The following PPEF1 variants were observed in gnomAD, a reference collection of about 807,000 sequenced individuals.
The protein encoded by PPEF1 is protein phosphatase with EF-hand domain 1, also known as serine/threonine-protein phosphatase with EF-hands 1.
A neutral mutation model predicts 53.3 loss-of-function variants in PPEF1; 12 were observed. The ratio of observed to expected loss-of-function variants is 0.23; its 90% CI spans 0.14 to 0.36. The LOEUF (loss-of-function observed/expected upper bound fraction) is 0.36. Ranked by LOEUF, PPEF1 falls within the 10% of genes least tolerant of loss-of-function variation. PPEF1 has a pLI of 1.00. For missense variants in PPEF1, 334 were observed against 490.4 expected (o/e 0.68, Z 3.01); for synonymous variants, 165 against 176.7 (o/e 0.93, Z 0.52).
intron 4 of PPEF1, among the ~76,000 whole-genome samples, chrX:18,696,833 G>A (rs760759401): frequency 1.4e-4 from 16 of 111,356 alleles, no homozygotes; most frequent in Admixed American, 2.9e-4. Flanking sequence ...ACGGGGCTTC[G>A]AGGTATCAGG....
intron 1 of PPEF1, among the ~76,000 whole-genome samples, chrX:18,725,055 T>C (rs1390535317): frequency 3.6e-5 from 4 of 111,129 alleles, no homozygotes; most frequent in Non-Finnish European, 7.5e-5. Flanking sequence ...TATTAGCTGC[T>C]GCACAAGTAC....
Position 18,779,196 on chromosome X carries a change from T to C in PPEF1, c.725+20T>C, listed in dbSNP as rs1602442779. On this transcript the variant is annotated intron_variant, in intron 7 of 15. Transcript: ENST00000470157. ...TCTGAGGTAACCCAGGCCTTTAGAT[T>C]TTCTCTTTTAAAAGTTTCGCACTCT... is the stretch of plus-strand genomic sequence containing the variant. 4 of 1,173,322 alleles carry C rather than the reference T, an allele frequency of 3.4e-6. No individual in the cohort carries two copies. Among genetic ancestry groups the C allele is most frequent in the East Asian group, 3.0e-5 (1 of 33,471 alleles).
intron 9 of PPEF1, among the ~76,000 whole-genome samples, chrX:18,786,205 C>A (rs550846501): frequency 1.8e-5 from 2 of 111,635 alleles, no homozygotes; most frequent in East Asian, 5.7e-4. Context: ...GCCTGAGCAG[C>A]CAGCTCTATC....
At chrX:18,813,103 G>A (rs2046840034) in intron 12 of PPEF1, among the ~76,000 whole-genome samples, 1 of 111,084 alleles carries the variant, frequency 9.0e-6, no homozygotes, top group Non-Finnish European at 1.9e-5. Context: ...TTGATTGGCC[G>A]GGCACGGTGG....
intron 12 of PPEF1, among the ~76,000 whole-genome samples, chrX:18,807,613 C>T (rs903301536): frequency 8.9e-6 from 1 of 112,031 alleles, no homozygotes; most frequent in African/African-American, 3.2e-5. Flanking sequence ...CTGAAGTCCC[C>T]TCATCAAACA....
At chrX:18,770,954 A>G (rs920165644) in intron 6 of PPEF1, among the ~76,000 whole-genome samples, 18 of 112,720 alleles carry the variant, frequency 1.6e-4, no homozygotes, top group African/African-American at 5.5e-4. Flanking sequence ...TGCAAACTCA[A>G]ACTTGGCTAT....
At chrX:18,736,219 G>A (rs2044977728) in intron 3 of PPEF1, among the ~76,000 whole-genome samples, 1 of 111,688 alleles carries the variant, frequency 9.0e-6, no homozygotes. Flanking sequence ...TTTTCAAAGG[G>A]AATGCTTCCA....
intron 13 of PPEF1, among the ~76,000 whole-genome samples, chrX:18,818,621 G>C (rs2046968138): frequency 9.0e-6 from 1 of 111,625 alleles, no homozygotes; most frequent in South Asian, 3.7e-4. Context: ...CGTCCGCCTT[G>C]GCCTTCCAAA....
In PPEF1 at chrX:18,824,131, A is replaced by G. The variant is rs772594670; in HGVS notation, c.1665+45A>G. The stretch of plus-strand genomic sequence containing the variant: ...AGCTAAAACCTAGCCAGGGTGAAAC[A>G]TAACTTAGTCCTTTGAAAAGCTGGG... On this transcript the variant is annotated intron_variant, in intron 14 of 15. Transcript: ENST00000470157. The G allele has an allele frequency of 1.5e-5, 17 of 1,124,919 alleles. No homozygotes were observed. In the Admixed American group the frequency reaches 4.1e-4, roughly 27 times the overall value. The allele number at this position is 1,124,919 out of a possible 1,213,427, so 92.7% of individuals were successfully genotyped here. A position where few individuals can be genotyped will look rare whatever the true frequency, so the allele number is the denominator to read the frequency against.
At chrX:18,697,983 A>G in intron 5 of PPEF1, 1 of 111,448 alleles carries the variant, frequency 9.0e-6, no homozygotes, top group Admixed American at 9.5e-5. Context: ...GGGGTTCTAG[A>G]GCCAAAGTGC....
At chrX:18,784,257 A>G (rs1457849170) in intron 9 of PPEF1, among the ~76,000 whole-genome samples, 2 of 111,856 alleles carry the variant, frequency 1.8e-5, no homozygotes, top group African/African-American at 6.5e-5. Context: ...ATATATGGAA[A>G]AAAATTTTAA....
chrX:18,817,508 A>T (rs1373107897), intron 12 of PPEF1, among the ~76,000 whole-genome samples: 1 of 110,160 alleles, frequency 9.1e-6, no homozygotes, highest in Non-Finnish European at 1.9e-5. Context: ...TGCCCAGCTA[A>T]TTTTTGTATT....
chrX:18,747,620 C>T (rs143467127), intron 3 of PPEF1, among the ~76,000 whole-genome samples: 1,864 of 111,834 alleles, frequency 0.017, 50 homozygotes, highest in African/African-American at 0.057. Flanking sequence ...TATAGGCGCA[C>T]GCCACTATGC....
intron 1 of PPEF1, among the ~76,000 whole-genome samples, chrX:18,723,016 G>A (rs1251664381): frequency 3.7e-5 from 4 of 107,704 alleles, no homozygotes; most frequent in East Asian, 2.9e-4. Context: ...ACGGAGTCTC[G>A]CTCTGTCGCC....
chrX:18,820,543 G>A (rs988098215), intron 13 of PPEF1, among the ~76,000 whole-genome samples: 1 of 110,537 alleles, frequency 9.0e-6, no homozygotes, highest in East Asian at 2.9e-4. Flanking sequence ...GTGCCACCAC[G>A]CCCAGCTAAT....
intron 1 of PPEF1, among the ~76,000 whole-genome samples, chrX:18,683,507 C>T (rs1475411429): frequency 8.9e-6 from 1 of 111,844 alleles, no homozygotes. Flanking sequence ...GAACCCTGTA[C>T]TATTATCATA....
intron 12 of PPEF1, among the ~76,000 whole-genome samples, chrX:18,811,058 T>C (rs1459410867): frequency 8.9e-6 from 1 of 112,306 alleles, no homozygotes; most frequent in African/African-American, 3.2e-5. Context: ...TTTTTATTTA[T>C]TTATTTTTTT....
chrX:18,693,126 G>A (rs1210033121), intron 4 of PPEF1, among the ~76,000 whole-genome samples: 1 of 112,211 alleles, frequency 8.9e-6, no homozygotes, highest in Non-Finnish European at 1.9e-5. Flanking sequence ...GCCGAAGATG[G>A]AGCTACCAGT....
chrX:18,783,795 C>A, intron 8 of PPEF1, 104 bp from the exon 9 acceptor site: 1 of 784,923 alleles, frequency 1.3e-6, no homozygotes, highest in South Asian at 2.8e-5. Flanking sequence ...TTGCTGACTT[C>A]CTTTGAGTGG....
Sources: allele counts gnomAD v4.1 joint callset (sites outside exome capture counted in the v4.1 genomes callset), GRCh38; gene constraint gnomAD v4.1.1; transcripts MANE v1.5; gene names NCBI Gene and HGNC (gene_info 2026-07-23, HGNC 2026-07-21).